Variants in DIAPH2 observed in about 807,000 individuals in gnomAD.
The protein encoded by DIAPH2 is protein diaphanous homolog 2.
In DIAPH2, 35 loss-of-function variants were observed where a neutral mutation model predicts 92.7. That is an observed-to-expected ratio of 0.38 (90% CI 0.29 to 0.50). DIAPH2 has a LOEUF of 0.50. Ranked by LOEUF, DIAPH2 falls within the 20% of genes least tolerant of loss-of-function variation. The pLI is 0.94. For missense variants in DIAPH2, 701 were observed against 819.5 expected (o/e 0.86, Z 1.77); for synonymous variants, 301 against 280.4 (o/e 1.07, Z -0.73).
At chrX:97,234,331 C>CAAAAAAA (rs1182930277) in intron 22 of DIAPH2, among the ~76,000 whole-genome samples, 2 of 31,195 alleles carry the variant, frequency 6.4e-5, no homozygotes, top group Non-Finnish European at 7.2e-5. Context: ...AACTCCATCT[C>CAAAAAAA]AAAAAAAAAA....
chrX:97,454,385 A>AT (rs986624371), intron 26 of DIAPH2, among the ~76,000 whole-genome samples: 4 of 109,149 alleles, frequency 3.7e-5, no homozygotes, highest in African/African-American at 1.4e-4. Flanking sequence ...TCAACTATGT[A>AT]AAAAAAAGAA....
Position 97,007,062 on chromosome X carries a change from ACT to A in DIAPH2, c.2050+41858_2050+41859del, listed in dbSNP as rs764906305. Among the ~76,000 whole-genome samples the A allele has an allele frequency of 7.5e-5, 8 of 106,472 alleles. No homozygotes were observed. The East Asian group carries it at 1.5e-3, about 20-fold the overall frequency. The allele number at this position is 106,472 out of a possible 115,157, so 92.5% of individuals were successfully genotyped here. ...ACAAGCAAAGAGAAAACTAATAAAAACTCTACACTTTAGCCTCATCCCCTTGC... is the reference window on the plus strand; with the variant it reads ...ACAAGCAAAGAGAAAACTAATAAAAACTACACTTTAGCCTCATCCCCTTGC... On this transcript the variant is annotated intron_variant, in intron 17 of 26. Transcript: ENST00000324765.
chrX:97,273,110 G>A (rs1354604973), intron 23 of DIAPH2, among the ~76,000 whole-genome samples: 1 of 111,797 alleles, frequency 8.9e-6, no homozygotes, highest in Non-Finnish European at 1.9e-5. Context: ...AGCCAAGATC[G>A]TGCCATTGCA....
chrX:97,080,757 T>C (rs917179077), intron 19 of DIAPH2, among the ~76,000 whole-genome samples: 1 of 111,609 alleles, frequency 9.0e-6, no homozygotes, highest in African/African-American at 3.3e-5. Flanking sequence ...CTATTGATTC[T>C]GCAGGGAAAA....
chrX:97,088,370 T>G (rs987576366), intron 19 of DIAPH2, among the ~76,000 whole-genome samples: 1 of 112,490 alleles, frequency 8.9e-6, no homozygotes, highest in Non-Finnish European at 1.9e-5. Flanking sequence ...TACTGTGTTA[T>G]TCTTAATCTT....
At chrX:97,581,114 A>G (rs1260539396) in intron 26 of DIAPH2, among the ~76,000 whole-genome samples, 1 of 103,202 alleles carries the variant, frequency 9.7e-6, no homozygotes, top group Non-Finnish European at 2.0e-5. Flanking sequence ...TCCTTTCAAA[A>G]AACCAGCTCC....
chrX:97,033,081 G>T (rs138026208), intron 17 of DIAPH2, among the ~76,000 whole-genome samples: 3,937 of 111,421 alleles, frequency 0.035, 86 homozygotes, highest in Middle Eastern at 0.084. Context: ...TTCACTGCCA[G>T]CCATCTACAA....
intron 4 of DIAPH2, among the ~76,000 whole-genome samples, chrX:96,815,826 G>A (rs937361252): frequency 1.8e-5 from 2 of 111,107 alleles, no homozygotes; most frequent in African/African-American, 3.3e-5. Context: ...TGCCACATCC[G>A]GCTATTTTTT....
At chrX:96,833,777 C>G (rs911758134) in intron 4 of DIAPH2, among the ~76,000 whole-genome samples, 4 of 110,761 alleles carry the variant, frequency 3.6e-5, no homozygotes, top group Non-Finnish European at 7.5e-5. Flanking sequence ...TCTCTTGCCT[C>G]AGCCTCCCGA....
intron 22 of DIAPH2, among the ~76,000 whole-genome samples, chrX:97,245,932 C>G (rs1375477904): frequency 1.0e-5 from 1 of 97,879 alleles, no homozygotes; most frequent in Non-Finnish European, 2.0e-5. Flanking sequence ...GACGGAATTT[C>G]ATTCTTGTTG....
intron 26 of DIAPH2, among the ~76,000 whole-genome samples, chrX:97,564,102 G>T (rs1307390838): frequency 5.4e-5 from 6 of 111,988 alleles, no homozygotes; most frequent in Non-Finnish European, 1.1e-4. Flanking sequence ...AACAATTAGT[G>T]CTCTTCTCTT....
chrX:97,283,571 C>G (rs1325963593), intron 23 of DIAPH2, among the ~76,000 whole-genome samples: 1 of 112,554 alleles, frequency 8.9e-6, no homozygotes, highest in Non-Finnish European at 1.9e-5. Flanking sequence ...GTTCCCATTT[C>G]TACACATTTA....
intron 17 of DIAPH2, among the ~76,000 whole-genome samples, chrX:97,059,235 A>G (rs1376023721): frequency 8.9e-6 from 1 of 112,083 alleles, no homozygotes; most frequent in Non-Finnish European, 1.9e-5. Context: ...TGTCATATCC[A>G]TAAGATGTTA....
chrX:97,351,542 G>A (rs11798520), intron 24 of DIAPH2, among the ~76,000 whole-genome samples: 46,952 of 110,867 alleles, frequency 0.42, 8,103 homozygotes, highest in Non-Finnish European at 0.55. Context: ...AGGGCCCGGC[G>A]CGGTGGCTCA....
chrX:96,756,389 T>C (rs1466964827), intron 3 of DIAPH2, among the ~76,000 whole-genome samples: 2 of 112,038 alleles, frequency 1.8e-5, no homozygotes, highest in Non-Finnish European at 3.8e-5. Context: ...ATATATGGTC[T>C]TTTATAATGC....
At chrX:96,698,223 T>TTC (rs1304819462) in intron 1 of DIAPH2, among the ~76,000 whole-genome samples, 1 of 112,007 alleles carries the variant, frequency 8.9e-6, no homozygotes, top group Admixed American at 9.5e-5. Context: ...ATGTTTTAGC[T>TTC]TCTCTCTCTC....
intron 23 of DIAPH2, among the ~76,000 whole-genome samples, chrX:97,282,460 C>G (rs2068506515): frequency 9.0e-6 from 1 of 110,814 alleles, no homozygotes; most frequent in African/African-American, 3.3e-5. Context: ...CAGGCACCTG[C>G]CACCACGCCC....
intron 5 of DIAPH2, among the ~76,000 whole-genome samples, chrX:96,893,549 T>A (rs2065321520): frequency 8.9e-6 from 1 of 112,038 alleles, no homozygotes; most frequent in African/African-American, 3.2e-5. Flanking sequence ...CCTTGATAGT[T>A]TTCCATAAAG....
At chrX:96,708,511 A>T (rs1307457230) in intron 1 of DIAPH2, among the ~76,000 whole-genome samples, 2 of 110,833 alleles carry the variant, frequency 1.8e-5, no homozygotes, top group Non-Finnish European at 3.8e-5. Context: ...AAGTGCTGGG[A>T]TTAGAGGCGT....
Sources: gnomAD v4.1 joint callset for allele counts (sites outside exome capture counted in the v4.1 genomes callset) on GRCh38, gnomAD v4.1.1 for gene constraint, MANE v1.5 for transcripts, NCBI Gene and HGNC (gene_info 2026-07-23, HGNC 2026-07-21) for gene names.